COL4A6: variants seen among roughly 807,000 people sequenced by gnomAD.
COL4A6 encodes the protein collagen alpha-6(IV) chain.
Under a neutral mutation model 126.7 loss-of-function variants are expected in COL4A6, and 59 were observed. The ratio of observed to expected loss-of-function variants is 0.47; its 90% CI spans 0.38 to 0.58. COL4A6 has a LOEUF of 0.58. COL4A6 is among the 20% of genes least tolerant of loss of function. The pLI, the probability that COL4A6 is intolerant of heterozygous loss-of-function variation, is 0.00. For missense variants in COL4A6, 1,285 were observed against 1,337.3 expected (o/e 0.96, Z 0.61); for synonymous variants, 547 against 496.6 (o/e 1.10, Z -1.35).
intron 3 of COL4A6, among the ~76,000 whole-genome samples, chrX:108,226,296 C>A (rs1034335295): frequency 3.6e-5 from 4 of 112,259 alleles, no homozygotes; most frequent in Admixed American, 2.8e-4. Context: ...TAGGATTGGG[C>A]ACCAATGCTC....
At chrX:108,417,667 TATTA>T (rs967651556) in intron 2 of COL4A6, among the ~76,000 whole-genome samples, 3 of 112,268 alleles carry the variant, frequency 2.7e-5, no homozygotes, top group South Asian at 7.4e-4. Flanking sequence ...TTTCAATGTT[TATTA>T]ATTAAGACAA....
intron 2 of COL4A6, among the ~76,000 whole-genome samples, chrX:108,319,350 C>G (rs1176181170): frequency 8.9e-6 from 1 of 111,791 alleles, no homozygotes; most frequent in Non-Finnish European, 1.9e-5. Context: ...GAGTGAGACC[C>G]TCTCTAAAAA....
At chrX:108,287,522 A>G (rs2038039389) in intron 3 of COL4A6, among the ~76,000 whole-genome samples, 1 of 111,911 alleles carries the variant, frequency 8.9e-6, no homozygotes, top group Non-Finnish European at 1.9e-5. Context: ...ACTGCTACTG[A>G]GGCATGATCC....
At chrX:108,359,043 C>G (rs758404635) in intron 2 of COL4A6, among the ~76,000 whole-genome samples, 5 of 111,983 alleles carry the variant, frequency 4.5e-5, no homozygotes. Context: ...GAATTCCAAA[C>G]CATTCTGAAA....
chrX:108,205,518 A>T, intron 10 of COL4A6, 38 bp from the exon 11 acceptor site: 2 of 1,144,055 alleles, frequency 1.7e-6, no homozygotes, highest in Non-Finnish European at 2.4e-6. Context: ...AACAAAATCG[A>T]TTACTAAATA....
chrX:108,212,961 C>A (rs770091627), intron 6 of COL4A6, among the ~76,000 whole-genome samples: 1 of 111,812 alleles, frequency 8.9e-6, no homozygotes, highest in African/African-American at 3.3e-5. Context: ...TGTTCTATAC[C>A]TGGTTGCCAT....
intron 4 of COL4A6, among the ~76,000 whole-genome samples, chrX:108,220,454 G>A (rs762430116): frequency 9.8e-5 from 11 of 111,802 alleles, no homozygotes; most frequent in African/African-American, 1.6e-4. Context: ...TCACCAACAG[G>A]GCGAATAGAA....
intron 3 of COL4A6, among the ~76,000 whole-genome samples, chrX:108,248,612 A>T (rs779309476): frequency 9.0e-6 from 1 of 111,244 alleles, no homozygotes; most frequent in African/African-American, 3.3e-5. Flanking sequence ...ACCTAAGCAG[A>T]TGGTTCTTAG....
At chrX:108,174,826 G>A (rs2034429423) in intron 30 of COL4A6, among the ~76,000 whole-genome samples, 1 of 111,339 alleles carries the variant, frequency 9.0e-6, no homozygotes, top group Admixed American at 9.5e-5. Flanking sequence ...AAGCAGCACA[G>A]TGCTCAGGGT....
chrX:108,200,667 T>C (rs1433817276), intron 13 of COL4A6, among the ~76,000 whole-genome samples: 2 of 111,631 alleles, frequency 1.8e-5, no homozygotes, highest in African/African-American at 3.3e-5. Flanking sequence ...TTAGACAGAA[T>C]GAATAAGTTC....
At chrX:108,327,810 A>C (rs1366589836) in intron 2 of COL4A6, among the ~76,000 whole-genome samples, 2 of 110,672 alleles carry the variant, frequency 1.8e-5, no homozygotes, top group Non-Finnish European at 3.8e-5. Flanking sequence ...ACTATAAGTC[A>C]GTTATATCTC....
At chrX:108,238,105 T>C (rs1235729565) in intron 3 of COL4A6, among the ~76,000 whole-genome samples, 6 of 105,735 alleles carry the variant, frequency 5.7e-5, no homozygotes, top group African/African-American at 2.1e-4. Context: ...GGTGTGTGTG[T>C]GTGTGTGTTT....
At chrX:108,369,557 A>T (rs1350543885) in intron 2 of COL4A6, among the ~76,000 whole-genome samples, 3 of 112,001 alleles carry the variant, frequency 2.7e-5, no homozygotes, top group Non-Finnish European at 5.6e-5. Context: ...CAAACAGCAA[A>T]TCCTTAAAAC....
intron 3 of COL4A6, among the ~76,000 whole-genome samples, chrX:108,263,707 C>T (rs1312139071): frequency 8.9e-6 from 1 of 111,911 alleles, no homozygotes; most frequent in East Asian, 2.8e-4. Context: ...TGCTCCAATG[C>T]CTGATTGCTT....
chrX:108,280,727 T>C (rs1365440183), intron 3 of COL4A6, among the ~76,000 whole-genome samples: 59 of 111,483 alleles, frequency 5.3e-4, no homozygotes, highest in African/African-American at 1.8e-3. Context: ...TTGATGAACA[T>C]TGATGCAAAA....
intron 2 of COL4A6, among the ~76,000 whole-genome samples, chrX:108,360,730 T>C (rs2040067877): frequency 9.1e-6 from 1 of 109,291 alleles, no homozygotes; most frequent in Admixed American, 9.7e-5. Flanking sequence ...TAGAGACAGG[T>C]TTTCACTATG....
At chrX:108,205,954 C>T in intron 9 of COL4A6, among the ~76,000 whole-genome samples, 1 of 111,367 alleles carries the variant, frequency 9.0e-6, no homozygotes, top group Non-Finnish European at 1.9e-5. Context: ...AAATGATGAC[C>T]TTTGGTGAAG....
intron 3 of COL4A6, among the ~76,000 whole-genome samples, chrX:108,264,024 C>G (rs892798682): frequency 9.0e-6 from 1 of 111,479 alleles, no homozygotes; most frequent in Admixed American, 9.6e-5. Flanking sequence ...TATCTTCGAT[C>G]CAGTCTGGCA....
At position 108,353,695 on chromosome X, in the gene COL4A6, A is replaced by G. The variant is rs188960623; in HGVS notation, c.64-42867T>C. On this transcript the variant is annotated intron_variant, in intron 2 of 44. Transcript: ENST00000334504. The stretch of plus-strand genomic sequence containing the variant: ...CAAACCAAAAGAGCACAGGGCATAT[A>G]CAGGAAATGCAAGATAAGTACTCCA... Among the ~76,000 whole-genome samples, 914 of 112,020 alleles carry G rather than the reference A, an allele frequency of 8.2e-3. 7 individuals are homozygous for G. The highest frequency in any genetic ancestry group is 0.014 in the Non-Finnish European group (763 of 53,174).
Sources: allele counts gnomAD v4.1 joint callset (sites outside exome capture counted in the v4.1 genomes callset), GRCh38; gene constraint gnomAD v4.1.1; transcripts MANE v1.5; gene names NCBI Gene and HGNC (gene_info 2026-07-23, HGNC 2026-07-21).